The following JAK1 variants were observed in gnomAD, a reference collection of about 807,000 sequenced individuals.
JAK1 encodes the protein Janus kinase 1.
JAK1 carries 16 observed loss-of-function variants against 136.6 expected under a neutral mutation model. The ratio of observed to expected loss-of-function variants is 0.12; its 90% CI spans 0.08 to 0.18. JAK1 has a LOEUF of 0.18. JAK1 is among the 10% of genes least tolerant of loss of function. The probability of loss-of-function intolerance (pLI) is 1.00; values close to 1 mark genes in which losing one functional copy is unlikely to be tolerated. For missense variants in JAK1, 859 were observed against 1,450.1 expected (o/e 0.59, Z 6.62); for synonymous variants, 492 against 519.5 (o/e 0.95, Z 0.72).
At chr1:64,864,113 C>A (rs1012277137) in intron 8 of JAK1, among the ~76,000 whole-genome samples, 4 of 152,202 alleles carry the variant, frequency 2.6e-5, no homozygotes, top group African/African-American at 4.8e-5. Context: ...ACAGTATCTG[C>A]CACATTTTGG....
chr1:65,058,610 G>A, intron 1 of JAK1: 1 of 456,578 alleles, frequency 2.2e-6, no homozygotes, highest in South Asian at 1.6e-5. Flanking sequence ...TCACCTTCTG[G>A]TTGGAGACGT....
chr1:64,934,767 C>T (rs1277913540), intron 1 of JAK1, among the ~76,000 whole-genome samples: 1 of 152,222 alleles, frequency 6.6e-6, no homozygotes, highest in East Asian at 1.9e-4. Context: ...TTGTTAAACA[C>T]ATTAATTACA....
intron 2 of JAK1, among the ~76,000 whole-genome samples, chr1:65,006,532 AT>A (rs1646805431): frequency 6.6e-6 from 1 of 151,992 alleles, no homozygotes; most frequent in Admixed American, 6.6e-5. Context: ...TAATTCGTTT[AT>A]TTTTTGTAGA....
At chr1:64,913,655 AGAAG>A (rs1285435585) in intron 1 of JAK1, among the ~76,000 whole-genome samples, 49 of 34,458 alleles carry the variant, frequency 1.4e-3, no homozygotes, top group African/African-American at 5.2e-3. Flanking sequence ...AAGGAAGGAA[AGAAG>A]GAAGGAAGGA....
rs370479540 is a variant in JAK1, at chr1:65,066,070, GACTA to G, written c.-181+1530_-181+1533del. 3.6e-3 allele frequency among the ~76,000 whole-genome samples: 552 copies of G among 152,220 alleles called. 2 individuals carry two copies. The highest frequency in any genetic ancestry group is 0.012 in the African/African-American group (500 of 41,542). ...TGGCCAATGCTGGGATTGCGGAGAG[GACTA>G]ACTAAGAACCCTGGAGAGCAGGGGA... On this transcript the variant is annotated intron_variant, in intron 1 of 25. Transcript: ENST00000671954.
chr1:65,014,192 T>G (rs1646873455), intron 2 of JAK1, among the ~76,000 whole-genome samples: 1 of 152,130 alleles, frequency 6.6e-6, no homozygotes, highest in Non-Finnish European at 1.5e-5. Context: ...AAGTCTAACA[T>G]ATATTTAATT....
At chr1:64,920,800 A>T (rs765809964) in intron 1 of JAK1, among the ~76,000 whole-genome samples, 1 of 152,176 alleles carries the variant, frequency 6.6e-6, no homozygotes, top group Non-Finnish European at 1.5e-5. Context: ...CTGAAGGCCA[A>T]TAGGGTTATA....
intron 1 of JAK1, among the ~76,000 whole-genome samples, chr1:64,921,767 T>G (rs1413427871): frequency 6.6e-6 from 1 of 152,080 alleles, no homozygotes; most frequent in Non-Finnish European, 1.5e-5. Flanking sequence ...AGGCAGCTTC[T>G]CTATTCCCTT....
At chr1:64,885,471 C>T (rs1178482685) in intron 2 of JAK1, among the ~76,000 whole-genome samples, 1 of 151,998 alleles carries the variant, frequency 6.6e-6, no homozygotes, top group South Asian at 2.1e-4. Flanking sequence ...ATGAAAAAAT[C>T]GGCTGGGTGT....
chr1:64,856,476 T>C (rs974950623), intron 10 of JAK1, among the ~76,000 whole-genome samples: 9 of 152,216 alleles, frequency 5.9e-5, no homozygotes, highest in African/African-American at 2.2e-4. Context: ...TGGGCCACAG[T>C]GTGCGGTGGA....
At chr1:64,997,810 A>AT (rs1646717461) in intron 2 of JAK1, among the ~76,000 whole-genome samples, 1 of 152,168 alleles carries the variant, frequency 6.6e-6, no homozygotes, top group Non-Finnish European at 1.5e-5. Flanking sequence ...TATGTGAAGG[A>AT]TAGAGAAGGA....
intron 1 of JAK1, among the ~76,000 whole-genome samples, chr1:65,054,128 CTAA>C (rs1242468546): frequency 5.9e-5 from 9 of 152,116 alleles, no homozygotes; most frequent in Non-Finnish European, 7.3e-5. Flanking sequence ...TTACCCACAG[CTAA>C]TAAAACATGT....
rs1349639731 is a variant in JAK1 at position 64,844,243 on chromosome 1, G to A, written c.2252-28C>T. 4 of 1,613,768 alleles carry A rather than the reference G, an allele frequency of 2.5e-6. No homozygotes were observed. The highest frequency in any genetic ancestry group is 2.5e-6 in the Non-Finnish European group (3 of 1,179,648). ...GGAAGACAACAGACACACTGATGGAGCAGTTTCTGGGATCTCCTAGGGATT... is the reference window on the plus strand; with the variant it reads ...GGAAGACAACAGACACACTGATGGAACAGTTTCTGGGATCTCCTAGGGATT... On this transcript the variant is annotated intron_variant, in intron 16 of 24. Transcript: ENST00000342505. This position sits in a 1 kb window ranked among gnomAD's most constrained non-coding sequence, Gnocchi z 5.7.
chr1:64,848,258 G>C (rs574256108), intron 12 of JAK1, among the ~76,000 whole-genome samples: 2 of 152,332 alleles, frequency 1.3e-5, no homozygotes, highest in East Asian at 1.9e-4. Context: ...AGGCACACGG[G>C]GGGATGCGTA....
At chr1:64,921,267 C>A (rs1024302348) in intron 1 of JAK1, among the ~76,000 whole-genome samples, 1 of 152,122 alleles carries the variant, frequency 6.6e-6, no homozygotes, top group Non-Finnish European at 1.5e-5. Context: ...AAGACTGCTG[C>A]ATTAGGGAAA....
At chr1:65,065,925 G>GC (rs1648020443) in intron 1 of JAK1, among the ~76,000 whole-genome samples, 1 of 151,682 alleles carries the variant, frequency 6.6e-6, no homozygotes, top group South Asian at 2.1e-4. Context: ...CTGGTTGGTG[G>GC]GGGACAGGTC....
intron 1 of JAK1, chr1:65,067,576 C>A (rs1015831706): frequency 4.4e-4 from 65 of 146,180 alleles, no homozygotes; most frequent in South Asian, 7.5e-4. Context: ...CCGCCGCCCC[C>A]GCGCCCGGCC....
chr1:64,923,442 T>C (rs1645531018), intron 1 of JAK1, among the ~76,000 whole-genome samples: 1 of 152,160 alleles, frequency 6.6e-6, no homozygotes, highest in Admixed American at 6.5e-5. Context: ...CTTGGAACAG[T>C]TAACAGATAA....
intron 2 of JAK1, among the ~76,000 whole-genome samples, chr1:65,024,685 GA>G (rs1044801435): frequency 5.0e-5 from 6 of 120,000 alleles, no homozygotes; most frequent in African/African-American, 9.6e-5. Flanking sequence ...AAAAAAGAAA[GA>G]AAAAAAAAGG....
Sources: gnomAD v4.1 joint callset for allele counts (sites outside exome capture counted in the v4.1 genomes callset) on GRCh38, gnomAD v4.1.1 for gene constraint, Gnocchi (gnomAD v3.1) non-coding constraint, MANE v1.5 for transcripts, NCBI Gene and HGNC (gene_info 2026-07-23, HGNC 2026-07-21) for gene names.